Variants in TDRD6 observed in about 807,000 individuals in gnomAD.
TDRD6 encodes the protein tudor domain containing 6, also known as tudor domain-containing protein 6.
Under a neutral mutation model 157.5 loss-of-function variants are expected in TDRD6, and 186 were observed. The observed-to-expected ratio is 1.18, with a 90% CI of 1.05 to 1.33. The LOEUF is 1.33. TDRD6 is among the 40% of genes most tolerant of loss of function. The pLI is 0.00. For synonymous variants in TDRD6, 1,075 were observed against 945.2 expected (o/e 1.14, Z -2.52); for missense variants, 3,066 against 2,508.0 (o/e 1.22, Z -4.75).
intron 3 of TDRD6, among the ~76,000 whole-genome samples, chr6:46,699,578 G>T (rs891755963): frequency 5.3e-5 from 8 of 152,024 alleles, no homozygotes; most frequent in Admixed American, 4.6e-4. Context: ...CTATAAATAA[G>T]AAATTTCTCT....
In TDRD6 at chr6:46,687,919, GC is replaced by G. The variant is rs1764149025; in HGVS notation, c.-209del. On this transcript the variant is annotated 5_prime_UTR_variant, in exon 1 of 4. Transcript: ENST00000316081. ...AGCGCGACCTCGGGCGGTTGGAGGG[GC>G]TACCGGGTCTTACCAGTCCGTGGCG... 1 of 706,326 alleles carries G rather than the reference GC, an allele frequency of 1.4e-6. No individual in the cohort carries two copies. The highest frequency in any genetic ancestry group is 4.0e-5 in the Admixed American group (1 of 24,954). 43.8% of individuals were successfully genotyped at this position (706,326 alleles called of 1,614,324 possible).
chr6:46,694,142 A>C lies in TDRD6; in HGVS notation c.6014A>C (p.Lys2005Thr). ...GAGGAAGAAAGCAGTGATGGAAGCA[A>C]GCACAATAATGGTTTACCAGATCAT... ...FSEEESSDGSKHNNGLPDHIS... is the reference protein window; with the variant it reads ...FSEEESSDGSTHNNGLPDHIS... The change falls in exon 1 of 4, where the codon AAG becomes ACG. Residue 2005 changes from lysine (K) to threonine (T), a missense_variant. Physicochemically the swap from Lys to Thr is moderately conservative, Grantham distance 78. Coordinates refer to ENST00000316081, the MANE Select transcript of TDRD6 (RefSeq NM_001010870.3). 1 of 1,586,716 alleles carries C rather than the reference A, an allele frequency of 6.3e-7. No individual in the cohort carries two copies. Among genetic ancestry groups the C allele is most frequent in the East Asian group, 2.2e-5 (1 of 44,770 alleles).
At chr6:46,681,781 C>T in the TDRD6 span, among the ~76,000 whole-genome samples, 1 of 152,118 alleles carries the variant, frequency 6.6e-6, no homozygotes, top group Non-Finnish European at 1.5e-5. Flanking sequence ...CATGCTACAG[C>T]ATGGATGAAC....
chr6:46,696,054 T>C lies in TDRD6; in HGVS notation c.6171+109T>C, dbSNP rs75639718. The C allele has an allele frequency of 7.1e-4, 873 of 1,222,608 alleles. 6 individuals carry two copies. The African/African-American group carries it at 0.012, about 17-fold the overall frequency. 75.7% of individuals were successfully genotyped at this position (1,222,608 alleles called of 1,614,324 possible). ...CGCGATTGAACAAATGTTTACTTGC[T>C]TGTTCCCCCTGATAACTTGATGTAA... On this transcript the variant is annotated intron_variant, in intron 2 of 3. Coordinates refer to ENST00000316081, the MANE Select transcript of TDRD6 (RefSeq NM_001010870.3).
chr6:46,696,236 C>T (rs1764492604), intron 2 of TDRD6, among the ~76,000 whole-genome samples: 1 of 151,850 alleles, frequency 6.6e-6, no homozygotes, highest in African/African-American at 2.4e-5. Flanking sequence ...ATATCTAATG[C>T]CACTACCTTA....
chr6:46,701,473 G>A (rs1042191727), intron 3 of TDRD6, among the ~76,000 whole-genome samples: 2 of 151,468 alleles, frequency 1.3e-5, no homozygotes, highest in Admixed American at 6.6e-5. Flanking sequence ...AAATAATGCA[G>A]TGGTTCTTAG....
chr6:46,692,747 A>G lies in TDRD6; in HGVS notation c.4619A>G (p.Asp1540Gly), dbSNP rs558560818. The G allele has an allele frequency of 6.2e-7, 1 of 1,614,226 alleles. No individual in the cohort carries two copies. Among genetic ancestry groups the G allele is most frequent in the South Asian group, 1.1e-5 (1 of 91,086 alleles). ...GPEYFWCQFA[D>G]TEKLQCLEVE... ...GAGTACTTTTGGTGTCAGTTTGCTGATACGGAGAAACTTCAGTGTTTAGAA... is the reference window on the plus strand; with the variant it reads ...GAGTACTTTTGGTGTCAGTTTGCTGGTACGGAGAAACTTCAGTGTTTAGAA... Residue 1540 changes from aspartate to glycine, a missense_variant, in exon 1 of 4, where the codon GAT becomes GGT. Asp to Gly is a moderately conservative substitution (Grantham distance 94). Transcript: ENST00000316081.
chr6:46,690,636 A>C lies in TDRD6; in HGVS notation c.2508A>C (p.Ala836=). The change falls in exon 1 of 4, where the codon GCA becomes GCC. Residue 836 remains alanine, a synonymous_variant. Coordinates refer to ENST00000316081, the MANE Select transcript of TDRD6 (RefSeq NM_001010870.3). ...KRTVNRQWSR[A]LISGIQSVEH... is the part of the protein sequence containing the mutation. The stretch of plus-strand genomic sequence containing the variant: ...CAGTAAACAGACAGTGGTCCAGAGC[A>C]CTTATTAGTGGGATACAGTCTGTGG... 1 of 1,614,240 alleles carries C rather than the reference A, an allele frequency of 6.2e-7. No individual in the cohort carries two copies. Among genetic ancestry groups the C allele is most frequent in the Non-Finnish European group, 8.5e-7 (1 of 1,180,038 alleles).
In TDRD6 at chr6:46,690,118, G is replaced by A; in HGVS notation, c.1990G>A (p.Gly664Arg). 1 of 1,613,634 alleles carries A rather than the reference G, an allele frequency of 6.2e-7. No individual in the cohort carries two copies. The highest frequency in any genetic ancestry group is 8.5e-7 in the Non-Finnish European group (1 of 1,179,900). ...ENISKVIAQA[G>R]YAKYQEFETK... ...CATTAGTAAGGTAATTGCCCAAGCT[G>A]GATATGCCAAGTATCAGGAATTTGA... The change falls in exon 1 of 4, where the codon GGA becomes AGA. Residue 664 changes from glycine to arginine, a missense_variant. Coordinates refer to ENST00000316081, the MANE Select transcript of TDRD6 (RefSeq NM_001010870.3).
At chr6:46,696,581 G>GTATATA (rs1554181450) in intron 2 of TDRD6, among the ~76,000 whole-genome samples, 419 of 34,862 alleles carry the variant, frequency 0.012, 6 homozygotes, top group African/African-American at 0.014. Flanking sequence ...GTGTGTGTGT[G>GTATATA]TATATATATA....
chr6:46,696,581 G>GTGTATA (rs1297824557), intron 2 of TDRD6, among the ~76,000 whole-genome samples: 20 of 34,894 alleles, frequency 5.7e-4, no homozygotes, highest in African/African-American at 1.8e-3. Context: ...GTGTGTGTGT[G>GTGTATA]TATATATATA....
In TDRD6 at chr6:46,691,382, C is replaced by T; in HGVS notation, c.3254C>T (p.Ala1085Val). The change falls in exon 1 of 4, where the codon GCA becomes GTA. Residue 1085 changes from alanine (A) to valine (V), a missense_variant. Coordinates refer to ENST00000316081, the MANE Select transcript of TDRD6 (RefSeq NM_001010870.3). Reference protein sequence around the residue: ...SDDLLPIPSDAYDVLLLPMQA... With the variant: ...SDDLLPIPSDVYDVLLLPMQA... ...GATCTGCTTCCAATACCTAGTGATG[C>T]ATATGATGTCTTACTTTTGCCCATG... 6.2e-7 allele frequency: 1 copy of T among 1,613,978 alleles called. No homozygotes were observed. The highest frequency in any genetic ancestry group is 1.1e-5 in the South Asian group (1 of 91,048).
the TDRD6 span, among the ~76,000 whole-genome samples, chr6:46,682,257 A>C: frequency 6.6e-6 from 1 of 152,052 alleles, no homozygotes; most frequent in Admixed American, 6.5e-5. Flanking sequence ...AACAAAACAT[A>C]TATCAACAGA....
At chr6:46,696,153 C>T (rs1234035700) in intron 2 of TDRD6, among the ~76,000 whole-genome samples, 1 of 152,082 alleles carries the variant, frequency 6.6e-6, no homozygotes, top group East Asian at 1.9e-4. Flanking sequence ...ATCTATCTCC[C>T]TTACTCTTTC....
Position 46,688,395 on chromosome 6 carries a change from G to T in TDRD6, c.267G>T (p.Arg89=). 1 of 1,537,192 alleles carries T rather than the reference G, an allele frequency of 6.5e-7. No homozygotes were observed. The highest frequency in any genetic ancestry group is 8.7e-7 in the Non-Finnish European group (1 of 1,145,328). ...LLWHRCRVVS[R]QAQESRVFLL... is the part of the protein sequence containing the mutation. ...GGCACCGCTGCCGCGTGGTCAGCCG[G>T]CAGGCACAGGAGAGCCGTGTCTTCC... The change falls in exon 1 of 4, where the codon CGG becomes CGT. Residue 89 remains arginine (R), a synonymous_variant. Transcript: ENST00000316081.
chr6:46,684,338 C>T (rs1582533086), upstream of TDRD6, among the ~76,000 whole-genome samples: 4 of 151,318 alleles, frequency 2.6e-5, no homozygotes, highest in South Asian at 8.4e-4. Flanking sequence ...CCACAGATTC[C>T]AAAGTCACTA....
the TDRD6 span, among the ~76,000 whole-genome samples, chr6:46,681,726 C>A: frequency 6.6e-6 from 1 of 151,992 alleles, no homozygotes; most frequent in South Asian, 2.1e-4. Flanking sequence ...TTGTTTTGTC[C>A]TGATATAGTT....
chr6:46,701,013 A>C (rs570813993), intron 3 of TDRD6: 1 of 462,296 alleles, frequency 2.2e-6, no homozygotes, highest in Admixed American at 2.5e-5. Context: ...TATCCCAAAG[A>C]GTAGGGAAAG....
In TDRD6 at chr6:46,704,215, T is replaced by G. The variant is rs1295202301; in HGVS notation, c.*2328T>G. 6 of 255,504 alleles carry G rather than the reference T, an allele frequency of 2.3e-5. No individual in the cohort carries two copies. The South Asian group carries it at 2.9e-4, about 12-fold the overall frequency. The allele number at this position is 255,504 out of a possible 1,614,324, so 15.8% of individuals were successfully genotyped here. The stretch of plus-strand genomic sequence containing the variant: ...ATTGCAACAGGTTTTCACTGGGATT[T>G]TGCCTGTTTTAATCTACTTGTCTGT... On this transcript the variant is annotated 3_prime_UTR_variant, in exon 4 of 4. Transcript: ENST00000316081.
Sources: gnomAD v4.1 joint callset for allele counts (sites outside exome capture counted in the v4.1 genomes callset) on GRCh38, gnomAD v4.1.1 for gene constraint, MANE v1.5 for transcripts, NCBI Gene and HGNC (gene_info 2026-07-23, HGNC 2026-07-21) for gene names.